Variants in CSMD2 observed in about 807,000 individuals in gnomAD.
CSMD2 encodes CUB and sushi domain-containing protein 2.
Under a neutral mutation model 398.5 loss-of-function variants are expected in CSMD2, and 130 were observed. That is an observed-to-expected ratio of 0.33 (90% CI 0.28 to 0.38). The LOEUF (loss-of-function observed/expected upper bound fraction) is 0.38. Ranked by LOEUF, CSMD2 falls within the 10% of genes least tolerant of loss-of-function variation. The pLI is 1.00. For missense variants in CSMD2, 3,829 were observed against 4,764.9 expected, an observed-to-expected ratio of 0.80 and a Z score of 5.78; for synonymous variants, 1,828 against 1,908.5, an observed-to-expected ratio of 0.96 and a Z score of 1.10.
chr1:33,797,403 G>T (rs1456314115), intron 10 of CSMD2, among the ~76,000 whole-genome samples: 4 of 152,176 alleles, frequency 2.6e-5, no homozygotes, highest in Admixed American at 6.5e-5. Context: ...TTAGGGGCAG[G>T]TTCCCCCAAT....
intron 10 of CSMD2, among the ~76,000 whole-genome samples, chr1:33,797,953 C>T (rs916631366): frequency 6.6e-6 from 1 of 152,206 alleles, no homozygotes; most frequent in African/African-American, 2.4e-5. Flanking sequence ...TTAGAGCTGC[C>T]ATTGATGTGA....
At chr1:33,566,579 G>T (rs943916791) in intron 53 of CSMD2, among the ~76,000 whole-genome samples, 2 of 152,154 alleles carry the variant, frequency 1.3e-5, no homozygotes, top group Non-Finnish European at 2.9e-5. Flanking sequence ...AAGAGAAGCA[G>T]AAGGCTAAAA....
chr1:33,610,226 ATTT>A (rs11367076), intron 41 of CSMD2, among the ~76,000 whole-genome samples: 3 of 144,376 alleles, frequency 2.1e-5, no homozygotes, highest in African/African-American at 2.5e-5. Flanking sequence ...CAGTGTTTAG[ATTT>A]TTTTTTTTTT....
chr1:33,714,627 G>GC lies in CSMD2; in HGVS notation c.3365dup (p.Arg1123GlnfsTer15). 1 of 1,613,962 alleles carries GC rather than the reference G, an allele frequency of 6.2e-7. No individual in the cohort carries two copies. On this transcript the variant is annotated frameshift_variant, in exon 21 of 71. Transcript: ENST00000373381. LOFTEE classifies it high-confidence loss of function. ...GAGGCGAGCTCCACAGGCGCCGTCT[G>GC]CCCCCCAGGCACGTGATGCGGGCGG...
chr1:33,696,366 A>C (rs1645418580), intron 24 of CSMD2, among the ~76,000 whole-genome samples: 1 of 152,180 alleles, frequency 6.6e-6, no homozygotes, highest in Admixed American at 6.5e-5. Context: ...TTCACACAGG[A>C]CCACTAAGGA....
In CSMD2 at chr1:33,559,758, C is replaced by G. The variant is rs1174669147; in HGVS notation, c.8381-285G>C. On this transcript the variant is annotated intron_variant, in intron 53 of 70. Transcript: ENST00000373381. This position sits in a 1 kb window ranked among gnomAD's most constrained non-coding sequence, Gnocchi z 4.0. ...TTCTCTGTGGTCTGAGCGGTCAGTG[C>G]TATCTTACTTTCCTTGCCTCTGATG... 6.6e-6 allele frequency among the ~76,000 whole-genome samples: 1 copy of G among 152,078 alleles called. No individual in the cohort carries two copies. Among genetic ancestry groups the G allele is most frequent in the Non-Finnish European group, 1.5e-5 (1 of 68,008 alleles).
At chr1:34,014,816 T>C (rs1346881457) in intron 3 of CSMD2, among the ~76,000 whole-genome samples, 1 of 152,130 alleles carries the variant, frequency 6.6e-6, no homozygotes, top group Non-Finnish European at 1.5e-5. Flanking sequence ...TGCATAACCT[T>C]TATAGTGTTT....
At chr1:33,770,313 A>G (rs546648001) in intron 13 of CSMD2, among the ~76,000 whole-genome samples, 2 of 152,364 alleles carry the variant, frequency 1.3e-5, no homozygotes, top group Admixed American at 1.3e-4. Context: ...CCTGGTCTTC[A>G]GATTTTGAAA....
chr1:33,760,742 G>A (rs151262356), intron 13 of CSMD2, among the ~76,000 whole-genome samples: 1 of 152,104 alleles, frequency 6.6e-6, no homozygotes, highest in African/African-American at 2.4e-5. Flanking sequence ...GCTCAGGGAA[G>A]GTATACATTC....
chr1:34,110,122 T>C (rs978136221), intron 1 of CSMD2, among the ~76,000 whole-genome samples: 7 of 143,806 alleles, frequency 4.9e-5, no homozygotes, highest in Non-Finnish European at 1.1e-4. Context: ...ATTAGAGAAA[T>C]GCAAATCAAA....
chr1:33,966,796 A>G (rs531861248), intron 3 of CSMD2, among the ~76,000 whole-genome samples: 1 of 152,286 alleles, frequency 6.6e-6, no homozygotes, highest in Admixed American at 6.5e-5. Flanking sequence ...TTGAGTGGGA[A>G]TGAATACTTT....
At chr1:34,165,739 G>C (rs1641830672), upstream of CSMD2, 1 of 1,613,652 alleles carries the variant, frequency 6.2e-7, no homozygotes, top group East Asian at 2.2e-5. Flanking sequence ...CCAAGTCTTG[G>C]CTCTTACCAG....
rs138895911 is a variant in CSMD2 at position 33,761,904 on chromosome 1, C to T, written c.1846+10665G>A. On this transcript the variant is annotated intron_variant, in intron 13 of 70. Coordinates refer to ENST00000373381, the MANE Select transcript of CSMD2 (RefSeq NM_001281956.2). ...GACCATGGGGGAGTCTGATCTAAGTCCCAGAGCAAGATGAGAGTTGATCAG... is the reference window on the plus strand; with the variant it reads ...GACCATGGGGGAGTCTGATCTAAGTTCCAGAGCAAGATGAGAGTTGATCAG... 3.3e-5 allele frequency among the ~76,000 whole-genome samples: 5 copies of T among 152,270 alleles called. No individual in the cohort carries two copies. The East Asian group carries it at 5.8e-4, about 18-fold the overall frequency.
chr1:33,605,569 T>C, intron 41 of CSMD2, 99 bp from the exon 42 acceptor site: 4 of 1,220,230 alleles, frequency 3.3e-6, no homozygotes, highest in Non-Finnish European at 4.7e-6. Flanking sequence ...TGGACTCAGA[T>C]GGACCTTTGT....
chr1:33,835,982 A>G (rs543807322), intron 6 of CSMD2, among the ~76,000 whole-genome samples: 1 of 152,030 alleles, frequency 6.6e-6, no homozygotes, highest in Non-Finnish European at 1.5e-5. Flanking sequence ...TTTTTTCCCC[A>G]TCTTTGTGGT....
chr1:33,776,830 A>C (rs1462101829), intron 12 of CSMD2, among the ~76,000 whole-genome samples: 1 of 152,124 alleles, frequency 6.6e-6, no homozygotes, highest in Non-Finnish European at 1.5e-5. Flanking sequence ...TGGGGGAAAT[A>C]GAGGATGGGA....
intron 25 of CSMD2, among the ~76,000 whole-genome samples, chr1:33,672,139 G>A (rs1393645053): frequency 6.6e-6 from 1 of 152,186 alleles, no homozygotes; most frequent in Non-Finnish European, 1.5e-5. Flanking sequence ...AGTGGGTGCA[G>A]TGCACCGTGT....
intron 41 of CSMD2, among the ~76,000 whole-genome samples, chr1:33,608,238 A>C (rs1187938532): frequency 6.6e-6 from 1 of 152,204 alleles, no homozygotes; most frequent in Non-Finnish European, 1.5e-5. Flanking sequence ...TCACACAGGC[A>C]CAACCTTTAC....
intron 29 of CSMD2, among the ~76,000 whole-genome samples, chr1:33,641,497 T>C (rs541084331): frequency 6.6e-6 from 1 of 152,312 alleles, no homozygotes; most frequent in African/African-American, 2.4e-5. Context: ...TTGGTAACTG[T>C]ATCCAAAACA....
Sources: gnomAD v4.1 joint callset for allele counts (sites outside exome capture counted in the v4.1 genomes callset) on GRCh38, gnomAD v4.1.1 for gene constraint, Gnocchi (gnomAD v3.1) non-coding constraint, MANE v1.5 for transcripts, NCBI Gene and HGNC (gene_info 2026-07-23, HGNC 2026-07-21) for gene names.